Variants in GUF1 observed in about 807,000 individuals in gnomAD.
GUF1 encodes GTP binding elongation factor GUF1.
In GUF1, 78 loss-of-function variants were observed where a neutral mutation model predicts 82.4. That is an observed-to-expected ratio of 0.95 (90% CI 0.79 to 1.14). GUF1 has a LOEUF of 1.14. Ranked by LOEUF, GUF1 falls within the 50% of genes most tolerant of loss-of-function variation. The pLI, the probability that GUF1 is intolerant of heterozygous loss-of-function variation, is 0.00. For synonymous variants in GUF1, 279 were observed against 282.3 expected (o/e 0.99, Z 0.12); for missense variants, 814 against 798.2 (o/e 1.02, Z -0.24).
In GUF1 at chr4:44,678,549, T is replaced by C. The variant is rs894141717; in HGVS notation, c.-74T>C. Reference sequence around the variant, plus strand: ...CCTGTCCACCGGATCCTACGGGGGGTACCTTCGAAAAAAAACGGGCTATGC... The same window carrying C: ...CCTGTCCACCGGATCCTACGGGGGGCACCTTCGAAAAAAAACGGGCTATGC... On this transcript the variant is annotated 5_prime_UTR_variant, in exon 1 of 17. Coordinates refer to ENST00000281543, the MANE Select transcript of GUF1 (RefSeq NM_021927.3). 8 of 1,208,618 alleles carry C rather than the reference T, an allele frequency of 6.6e-6. No individual in the cohort carries two copies. The highest frequency in any genetic ancestry group is 8.7e-6 in the Non-Finnish European group (8 of 915,192). The allele number at this position is 1,208,618 out of a possible 1,614,324, so 74.9% of individuals were successfully genotyped here.
Position 44,700,848 on chromosome 4 carries a change from T to C in GUF1, c.*2167T>C, listed in dbSNP as rs1234298517. 6.6e-6 allele frequency: 1 copy of C among 152,180 alleles called. No homozygotes were observed. The highest frequency in any genetic ancestry group is 2.4e-5 in the African/African-American group (1 of 41,446). The allele number at this position is 152,180 out of a possible 1,614,324, so 9.4% of individuals were successfully genotyped here. A position where few individuals can be genotyped will look rare whatever the true frequency, so the allele number is the denominator to read the frequency against. On this transcript the variant is annotated 3_prime_UTR_variant, in exon 17 of 17. Transcript: ENST00000281543. ...CTTCCCTCCCTCTTCCAGGTTCTGA[T>C]AAAAACAGATGAAATCTGAAAGACC...
At chr4:44,685,801 A>G (rs1310803016) in intron 6 of GUF1, among the ~76,000 whole-genome samples, 158 bp from the exon 7 acceptor site, 1 of 152,058 alleles carries the variant, frequency 6.6e-6, no homozygotes, top group Non-Finnish European at 1.5e-5. Flanking sequence ...AGTATTTGTC[A>G]ATATACTGTT....
At chr4:44,691,634 C>T in intron 12 of GUF1, 32 bp from the exon 13 acceptor site, 1 of 1,551,920 alleles carries the variant, frequency 6.4e-7, no homozygotes, top group South Asian at 1.2e-5. Context: ...AGTAGGTTAT[C>T]ATTAAACCCA....
intron 13 of GUF1, among the ~76,000 whole-genome samples, chr4:44,692,904 T>G (rs1383777938): frequency 6.6e-6 from 1 of 152,024 alleles, no homozygotes; most frequent in Non-Finnish European, 1.5e-5. Context: ...TTAACAGAAG[T>G]CTGTCAATTT....
In GUF1 at chr4:44,694,487, A is replaced by G; in HGVS notation, c.1689A>G (p.Val563=). ...ATATTCTACTGAATGGAAATACTGT[A>G]GAGGAGCTAGTAACTGTTGTACACA... is the stretch of plus-strand genomic sequence containing the variant. ...KMDILLNGNT[V]EELVTVVHKD... is the part of the protein sequence containing the mutation. Residue 563 remains valine (V), a synonymous_variant, in exon 14 of 17, where the codon GTA becomes GTG. Coordinates refer to ENST00000281543, the MANE Select transcript of GUF1 (RefSeq NM_021927.3). 2 of 1,601,268 alleles carry G rather than the reference A, an allele frequency of 1.2e-6. No homozygotes were observed. The highest frequency in any genetic ancestry group is 1.7e-6 in the Non-Finnish European group (2 of 1,168,754).
At chr4:44,688,276 C>CTT in intron 9 of GUF1, 130 bp downstream of exon 9, 3 of 895,270 alleles carry the variant, frequency 3.4e-6, no homozygotes, top group Non-Finnish European at 5.2e-6. Context: ...TATTGTTTCA[C>CTT]TTTGTGCTGT....
chr4:44,680,602 ATTAC>A lies in GUF1; in HGVS notation c.277+53_277+56del, dbSNP rs752742973. The stretch of plus-strand genomic sequence containing the variant: ...AACTGATGGCTGCGAGTTATTGGGA[ATTAC>A]TTTTACTCTTAAATTTTAATTTTAT... On this transcript the variant is annotated intron_variant, in intron 2 of 16. Transcript: ENST00000281543. The A allele has an allele frequency of 4.8e-6, 7 of 1,454,328 alleles. No individual in the cohort carries two copies. The African/African-American group carries it at 7.2e-5, about 15-fold the overall frequency. The allele number at this position is 1,454,328 out of a possible 1,614,324, so 90.1% of individuals were successfully genotyped here. A position where few individuals can be genotyped will look rare whatever the true frequency, so the allele number is the denominator to read the frequency against.
chr4:44,686,359 C>A, intron 7 of GUF1, 151 bp from the exon 8 acceptor site: 1 of 494,976 alleles, frequency 2.0e-6, no homozygotes, highest in South Asian at 4.3e-5. Context: ...GTTATTAAAT[C>A]TAATATATTT....
chr4:44,689,436 AG>A, intron 10 of GUF1, 27 bp downstream of exon 10: 1 of 1,575,090 alleles, frequency 6.3e-7, no homozygotes, highest in Non-Finnish European at 8.6e-7. Flanking sequence ...TGTGTTTTAT[AG>A]GAAAGGGAGG....
intron 14 of GUF1, among the ~76,000 whole-genome samples, chr4:44,694,744 T>C (rs965224322): frequency 2.0e-5 from 3 of 151,996 alleles, no homozygotes; most frequent in African/African-American, 7.2e-5. Context: ...CCCTTCACCA[T>C]ATTAAAAAAA....
In GUF1 at chr4:44,678,655, C is replaced by T. The variant is rs1374576184; in HGVS notation, c.33C>T (p.Cys11=). The T allele has an allele frequency of 1.3e-6, 2 of 1,484,820 alleles. No individual in the cohort carries two copies. The highest frequency in any genetic ancestry group is 3.0e-5 in the Admixed American group (1 of 33,124). 92.0% of individuals were successfully genotyped at this position (1,484,820 alleles called of 1,614,324 possible). MWTLVGRGWG[C]ARALAPRATG... The stretch of plus-strand genomic sequence containing the variant: ...CCCTCGTGGGTCGGGGCTGGGGGTG[C>T]GCACGCGCTCTCGCGCCACGAGCCA... Residue 11 remains cysteine (C), a synonymous_variant, in exon 1 of 17, where the codon TGC becomes TGT. Transcript: ENST00000281543.
chr4:44,679,197 T>C (rs1714624679), intron 1 of GUF1, among the ~76,000 whole-genome samples: 2 of 152,222 alleles, frequency 1.3e-5, no homozygotes, highest in Admixed American at 6.5e-5. Context: ...TCCTACTTCA[T>C]TTGTTGAATG....
At position 44,682,392 on chromosome 4, in the gene GUF1, T is replaced by C. The variant is rs1714822033; in HGVS notation, c.566T>C (p.Val189Ala). ...CTTGCCTTCGAAGCACAGCTATCGG[T>C]AATTCCAGTTATAAATAAGGTAATT... ...FFLAFEAQLS[V>A]IPVINKIDLK... The change falls in exon 5 of 17, where the codon GTA (valine) becomes GCA (alanine). Residue 189 changes from valine (V) to alanine (A), a missense_variant. Coordinates refer to ENST00000281543, the MANE Select transcript of GUF1 (RefSeq NM_021927.3). The C allele has an allele frequency of 6.6e-7, 1 of 1,523,482 alleles. No individual in the cohort carries two copies. Among genetic ancestry groups the C allele is most frequent in the Non-Finnish European group, 8.8e-7 (1 of 1,137,100 alleles). The allele number at this position is 1,523,482 out of a possible 1,614,324, so 94.4% of individuals were successfully genotyped here.
intron 9 of GUF1, 138 bp downstream of exon 9, chr4:44,688,284 T>C (rs910934287): frequency 8.3e-6 from 7 of 843,172 alleles, no homozygotes; most frequent in Non-Finnish European, 1.3e-5. Context: ...CACTTTGTGC[T>C]GTTTATCAGT....
intron 15 of GUF1, 62 bp from the exon 16 acceptor site, chr4:44,697,346 A>G: frequency 1.0e-6 from 1 of 959,938 alleles, no homozygotes; most frequent in South Asian, 1.8e-5. Context: ...GTTTTTGGTA[A>G]GGAAGTGCTT....
rs946794356 is a variant in GUF1, at chr4:44,699,180, T to G, written c.*499T>G. On this transcript the variant is annotated 3_prime_UTR_variant, in exon 17 of 17. Transcript: ENST00000281543. ...TCGATGAGGAAAAAAAATTGGTTTA[T>G]GCGTCATTTCATTTTATTTTTATTT... 1 of 152,310 alleles carries G rather than the reference T, an allele frequency of 6.6e-6. No homozygotes were observed. Among genetic ancestry groups the G allele is most frequent in the Non-Finnish European group, 1.5e-5 (1 of 68,160 alleles). 9.4% of individuals were successfully genotyped at this position (152,310 alleles called of 1,614,324 possible).
chr4:44,686,926 T>C (rs1367060196), intron 8 of GUF1, among the ~76,000 whole-genome samples: 1 of 151,958 alleles, frequency 6.6e-6, no homozygotes, highest in Non-Finnish European at 1.5e-5. Flanking sequence ...TGACTAGTTA[T>C]AACTAGATTT....
At position 44,680,807 on chromosome 4, in the gene GUF1, G is replaced by A; in HGVS notation, c.391G>A (p.Gly131Arg). The change falls in exon 3 of 17, where the codon GGA becomes AGA. Residue 131 changes from glycine (G) to arginine (R), a missense_variant. Physicochemically the swap from Gly to Arg is moderately radical, Grantham distance 125. Coordinates refer to ENST00000281543, the MANE Select transcript of GUF1 (RefSeq NM_021927.3). ...AGCATCTCTCTTTTACAATTGTGAA[G>A]GAAAGCAGTACCTTTTAAATCTCAT... ...QTASLFYNCEGKQYLLNLIDT... is the reference protein window; with the variant it reads ...QTASLFYNCERKQYLLNLIDT... 1 of 1,611,980 alleles carries A rather than the reference G, an allele frequency of 6.2e-7. No individual in the cohort carries two copies. Among genetic ancestry groups the A allele is most frequent in the Non-Finnish European group, 8.5e-7 (1 of 1,178,682 alleles).
At position 44,700,848 on chromosome 4, in the gene GUF1, T is replaced by TA. The variant is rs1169577483; in HGVS notation, c.*2172dup. The TA allele has an allele frequency of 4.6e-5, 7 of 152,180 alleles. No homozygotes were observed. The highest frequency in any genetic ancestry group is 1.5e-5 in the Non-Finnish European group (1 of 68,034). The allele number at this position is 152,180 out of a possible 1,614,324, so 9.4% of individuals were successfully genotyped here. On this transcript the variant is annotated 3_prime_UTR_variant, in exon 17 of 17. Transcript: ENST00000281543. ...CTTCCCTCCCTCTTCCAGGTTCTGA[T>TA]AAAAACAGATGAAATCTGAAAGACC...
Sources: allele counts gnomAD v4.1 joint callset (sites outside exome capture counted in the v4.1 genomes callset), GRCh38; gene constraint gnomAD v4.1.1; transcripts MANE v1.5; gene names NCBI Gene and HGNC (gene_info 2026-07-23, HGNC 2026-07-21).